The following KCNIP1 variants were observed in gnomAD, a reference collection of about 807,000 sequenced individuals.
KCNIP1 encodes potassium voltage-gated channel interacting protein 1.
A neutral mutation model predicts 33.0 loss-of-function variants in KCNIP1; 18 were observed. The observed-to-expected ratio is 0.55, with a 90% CI of 0.38 to 0.81. The LOEUF (loss-of-function observed/expected upper bound fraction) is 0.81, where lower values mean the gene tolerates loss of function less well. KCNIP1 is among the 30% of genes least tolerant of loss of function. The probability of loss-of-function intolerance (pLI) is 0.00; values close to 1 mark genes in which losing one functional copy is unlikely to be tolerated. For synonymous variants in KCNIP1, 93 were observed against 98.3 expected, an observed-to-expected ratio of 0.95 and a Z score of 0.32; for missense variants, 238 against 271.6, an observed-to-expected ratio of 0.88 and a Z score of 0.87.
intron 1 of KCNIP1, among the ~76,000 whole-genome samples, chr5:170,648,282 T>C (rs1357162304): frequency 6.6e-6 from 1 of 152,230 alleles, no homozygotes; most frequent in Non-Finnish European, 1.5e-5. Flanking sequence ...CCTTTGGTAT[T>C]CACCCAAGTG....
intron 1 of KCNIP1, among the ~76,000 whole-genome samples, chr5:170,666,963 G>A (rs550268419): frequency 6.6e-6 from 1 of 152,238 alleles, no homozygotes; most frequent in South Asian, 2.1e-4. Flanking sequence ...AAGTAAATGC[G>A]ATAATATATA....
chr5:170,522,611 C>T (rs1232679791), intron 1 of KCNIP1, among the ~76,000 whole-genome samples: 2 of 152,194 alleles, frequency 1.3e-5, no homozygotes, highest in East Asian at 3.9e-4. Flanking sequence ...GGGAATTCGC[C>T]AAGGTAAATG....
At chr5:170,451,086 C>T (rs1277335717) in intron 1 of KCNIP1, among the ~76,000 whole-genome samples, 1 of 152,192 alleles carries the variant, frequency 6.6e-6, no homozygotes, top group Non-Finnish European at 1.5e-5. Flanking sequence ...CACAGTTTGT[C>T]TCCTGTTGAA....
intron 1 of KCNIP1, among the ~76,000 whole-genome samples, chr5:170,660,381 A>G (rs987470312): frequency 1.1e-4 from 17 of 152,204 alleles, no homozygotes; most frequent in African/African-American, 4.1e-4. Flanking sequence ...TAAAAAAAAA[A>G]AAAAACATTC....
chr5:170,420,117 T>C (rs925092430), intron 1 of KCNIP1, among the ~76,000 whole-genome samples: 1 of 152,214 alleles, frequency 6.6e-6, no homozygotes, highest in Non-Finnish European at 1.5e-5. Flanking sequence ...AAATCCATTT[T>C]AATATGATAT....
chr5:170,618,253 C>T (rs538865395), intron 1 of KCNIP1, among the ~76,000 whole-genome samples: 16 of 152,120 alleles, frequency 1.1e-4, no homozygotes, highest in African/African-American at 1.9e-4. Flanking sequence ...GGCATGCTAA[C>T]GGCTTCCCTG....
intron 1 of KCNIP1, among the ~76,000 whole-genome samples, chr5:170,493,577 G>A (rs1757251289): frequency 6.6e-6 from 1 of 152,146 alleles, no homozygotes; most frequent in South Asian, 2.1e-4. Context: ...CCATAGATGG[G>A]GTTAGTGAAG....
intron 1 of KCNIP1, among the ~76,000 whole-genome samples, chr5:170,714,264 A>G (rs1205686243): frequency 6.6e-6 from 1 of 152,196 alleles, no homozygotes; most frequent in African/African-American, 2.4e-5. Flanking sequence ...GGCTGGCTAC[A>G]AGCGAGTTTG....
At chr5:170,560,773 A>G (rs976821974) in intron 1 of KCNIP1, among the ~76,000 whole-genome samples, 1 of 149,972 alleles carries the variant, frequency 6.7e-6, no homozygotes, top group Admixed American at 6.6e-5. Flanking sequence ...TTTCTTTGTC[A>G]TGTCTTTCTG....
At chr5:170,673,845 ATGG>A (rs1762017184) in intron 1 of KCNIP1, among the ~76,000 whole-genome samples, 1 of 152,040 alleles carries the variant, frequency 6.6e-6, no homozygotes, top group Admixed American at 6.6e-5. Context: ...AATCTGTAAA[ATGG>A]TGGTGGGCGG....
chr5:170,455,814 A>G (rs996358660), intron 1 of KCNIP1, among the ~76,000 whole-genome samples: 1 of 152,240 alleles, frequency 6.6e-6, no homozygotes, highest in Non-Finnish European at 1.5e-5. Context: ...GGAAATTTAT[A>G]GCTCCACATA....
chr5:170,625,131 T>C (rs1759771833), intron 1 of KCNIP1, among the ~76,000 whole-genome samples: 1 of 151,862 alleles, frequency 6.6e-6, no homozygotes, highest in Non-Finnish European at 1.5e-5. Flanking sequence ...AGCAGCCCTC[T>C]GGGTACTGAG....
At chr5:170,677,181 C>T (rs1260188355) in intron 1 of KCNIP1, among the ~76,000 whole-genome samples, 1 of 152,170 alleles carries the variant, frequency 6.6e-6, no homozygotes, top group Non-Finnish European at 1.5e-5. Context: ...AATCTCACAA[C>T]TCTATGAAGT....
chr5:170,690,590 A>AT, intron 1 of KCNIP1, among the ~76,000 whole-genome samples: 1 of 152,338 alleles, frequency 6.6e-6, no homozygotes, highest in South Asian at 2.1e-4. Context: ...GGATATGATA[A>AT]TTTTTTCAAG....
chr5:170,614,974 G>C (rs1054955767), intron 1 of KCNIP1, among the ~76,000 whole-genome samples: 1 of 152,212 alleles, frequency 6.6e-6, no homozygotes, highest in South Asian at 2.1e-4. Flanking sequence ...TCAGCACTTT[G>C]GGAGGCCAAG....
intron 1 of KCNIP1, among the ~76,000 whole-genome samples, chr5:170,599,244 C>T (rs1040725519): frequency 4.6e-5 from 7 of 152,086 alleles, no homozygotes; most frequent in East Asian, 1.9e-4. Flanking sequence ...CATACAGTAG[C>T]GCTCAATAAG....
chr5:170,556,185 G>T (rs1756840726), intron 1 of KCNIP1, among the ~76,000 whole-genome samples: 1 of 152,204 alleles, frequency 6.6e-6, no homozygotes, highest in South Asian at 2.1e-4. Context: ...GCAAGCTGTG[G>T]TTCATTAAAC....
intron 1 of KCNIP1, among the ~76,000 whole-genome samples, chr5:170,615,893 C>G (rs1037408322): frequency 7.2e-5 from 11 of 152,200 alleles, no homozygotes; most frequent in African/African-American, 2.7e-4. Context: ...TGAGTGCTTC[C>G]TATAATAAAC....
chr5:170,549,789 G>T (rs1036610220), intron 1 of KCNIP1, among the ~76,000 whole-genome samples: 1 of 152,040 alleles, frequency 6.6e-6, no homozygotes, highest in Non-Finnish European at 1.5e-5. Flanking sequence ...TATTTGACTC[G>T]GTGTTTTCAA....
Sources: gnomAD v4.1 joint callset for allele counts (sites outside exome capture counted in the v4.1 genomes callset) on GRCh38, gnomAD v4.1.1 for gene constraint, MANE v1.5 for transcripts, NCBI Gene and HGNC (gene_info 2026-07-23, HGNC 2026-07-21) for gene names.